PCDHA7: variants seen among roughly 807,000 people sequenced by gnomAD.
The protein encoded by PCDHA7 is protocadherin alpha 7.
PCDHA7 carries 37 observed loss-of-function variants against 57.2 expected under a neutral mutation model. The observed-to-expected ratio is 0.65, with a 90% confidence interval of 0.50 to 0.85. The LOEUF is 0.85. Ranked by LOEUF, PCDHA7 falls within the 40% of genes least tolerant of loss-of-function variation. PCDHA7 has a pLI of 0.00. For synonymous variants in PCDHA7, 553 were observed against 558.8 expected, an observed-to-expected ratio of 0.99 and a Z score of 0.15; for missense variants, 1,188 against 1,241.8, an observed-to-expected ratio of 0.96 and a Z score of 0.65.
At chr5:140,854,722 C>G (rs78325333) in intron 1 of PCDHA7, 1 of 149,404 alleles carries the variant, frequency 6.7e-6, no homozygotes, top group African/African-American at 2.5e-5. Flanking sequence ...ACAGAAAACT[C>G]AAGTTTTTTT....
At chr5:140,936,185 G>A (rs563044758) in intron 1 of PCDHA7, among the ~76,000 whole-genome samples, 10 of 152,060 alleles carry the variant, frequency 6.6e-5, no homozygotes, top group Non-Finnish European at 1.0e-4. Context: ...AAACCACCAC[G>A]CCCAGCCAAA....
At chr5:140,956,156 T>C (rs1467785699) in intron 1 of PCDHA7, among the ~76,000 whole-genome samples, 1 of 152,204 alleles carries the variant, frequency 6.6e-6, no homozygotes, top group Non-Finnish European at 1.5e-5. Flanking sequence ...TCTTTCCTAA[T>C]TGCCATAGCC....
chr5:140,850,680 G>A lies in PCDHA7; in HGVS notation c.2355+13942G>A, dbSNP rs2150493615. 22 of 1,598,518 alleles carry A rather than the reference G, an allele frequency of 1.4e-5. 2 individuals carry two copies. In the East Asian group the frequency reaches 4.5e-4, roughly 32 times the overall value. ...GCTGCGGTGCTCGGCGATGCCCACC[G>A]AGGGCGAGTGCGCGCCTGGCAAGCC... On this transcript the variant is annotated intron_variant, in intron 1 of 3. Transcript: ENST00000525929.
chr5:140,970,752 T>A (rs1324041619), intron 1 of PCDHA7, among the ~76,000 whole-genome samples: 1 of 152,244 alleles, frequency 6.6e-6, no homozygotes, highest in Non-Finnish European at 1.5e-5. Context: ...CAATATATTT[T>A]CATTGACATA....
chr5:140,878,351 A>C (rs2057557275), intron 1 of PCDHA7, among the ~76,000 whole-genome samples: 1 of 152,248 alleles, frequency 6.6e-6, no homozygotes, highest in South Asian at 2.1e-4. Flanking sequence ...ACAATAATAT[A>C]AATGATATGT....
chr5:140,863,148 G>A (rs782014665), intron 1 of PCDHA7: 1 of 616,420 alleles, frequency 1.6e-6, no homozygotes, highest in Non-Finnish European at 3.1e-6. Context: ...TGCTGGTGAA[G>A]GACCACTGCG....
intron 1 of PCDHA7, among the ~76,000 whole-genome samples, chr5:140,898,613 T>A (rs561301118): frequency 6.6e-6 from 1 of 152,346 alleles, no homozygotes; most frequent in South Asian, 2.1e-4. Flanking sequence ...TAGTTTGAAG[T>A]CAGGTAGCAT....
At chr5:140,871,299 G>C (rs782459625) in intron 1 of PCDHA7, 1 of 1,613,916 alleles carries the variant, frequency 6.2e-7, no homozygotes, top group Non-Finnish European at 8.5e-7. Context: ...GCGCGTGCGC[G>C]CCGGGGAAGC....
chr5:140,882,152 G>A (rs1582595300), intron 1 of PCDHA7: 2 of 1,505,314 alleles, frequency 1.3e-6, no homozygotes, highest in Non-Finnish European at 8.9e-7. Flanking sequence ...GCAGAAAGCG[G>A]AATACCTCTT....
intron 1 of PCDHA7, chr5:140,849,218 G>T: frequency 9.6e-7 from 1 of 1,040,734 alleles, no homozygotes; most frequent in South Asian, 1.6e-5. Context: ...ATGCCCCAGT[G>T]TTCGACAGAA....
intron 1 of PCDHA7, among the ~76,000 whole-genome samples, chr5:140,936,534 T>C (rs1327354780): frequency 1.3e-5 from 2 of 152,230 alleles, no homozygotes; most frequent in African/African-American, 2.4e-5. Context: ...TGCTTTTGAA[T>C]ATAGTGCAAT....
At position 140,869,261 on chromosome 5, in the gene PCDHA7, G is replaced by A. The variant is rs782291113; in HGVS notation, c.2355+32523G>A. 3 of 1,613,572 alleles carry A rather than the reference G, an allele frequency of 1.9e-6. No individual in the cohort carries two copies. In the Admixed American group the frequency reaches 5.0e-5, roughly 27 times the overall value. On this transcript the variant is annotated intron_variant, in intron 1 of 3. Transcript: ENST00000525929. ...GTGGGCCGCATCGCGCAGGACCTGG[G>A]GCTGGAGCTGGCGGAGCTGGTGCAG...
At position 140,883,742 on chromosome 5, in the gene PCDHA7, T is replaced by C. The variant is rs782074620; in HGVS notation, c.2355+47004T>C. 8 of 1,613,220 alleles carry C rather than the reference T, an allele frequency of 5.0e-6. No homozygotes were observed. In the African/African-American group the frequency reaches 8.0e-5, roughly 16 times the overall value. ...CGCACAGGAGAACGCGCTGGTCTCC[T>C]ACTCGCTGGTGGAGCGGCGGGTGGG... On this transcript the variant is annotated intron_variant, in intron 1 of 3. Transcript: ENST00000525929.
At chr5:140,939,335 T>A (rs1195092720) in intron 1 of PCDHA7, among the ~76,000 whole-genome samples, 2 of 152,080 alleles carry the variant, frequency 1.3e-5, no homozygotes, top group Non-Finnish European at 2.9e-5. Context: ...ATCTTAGGGG[T>A]TAGCATTTCA....
chr5:140,915,463 T>C (rs2077131577), intron 1 of PCDHA7, among the ~76,000 whole-genome samples: 1 of 152,184 alleles, frequency 6.6e-6, no homozygotes, highest in East Asian at 1.9e-4. Flanking sequence ...AGAAGGTTTT[T>C]ATTTGAAGGA....
At chr5:140,877,388 A>G (rs1186041410) in intron 1 of PCDHA7, 14 of 1,613,802 alleles carry the variant, frequency 8.7e-6, no homozygotes, top group Non-Finnish European at 1.2e-5. Flanking sequence ...ATCCTGGATG[A>G]GGCGGACGCT....
chr5:140,941,820 C>T (rs2093176252), intron 1 of PCDHA7, among the ~76,000 whole-genome samples: 1 of 152,160 alleles, frequency 6.6e-6, no homozygotes, highest in Non-Finnish European at 1.5e-5. Flanking sequence ...AGGATGACTG[C>T]TGTAAATAAT....
intron 1 of PCDHA7, chr5:140,869,579 A>G: frequency 6.2e-7 from 1 of 1,614,178 alleles, no homozygotes; most frequent in Non-Finnish European, 8.5e-7. Flanking sequence ...GGAGCTTCTG[A>G]TGCTGACATT....
intron 1 of PCDHA7, chr5:140,862,791 G>A (rs782639549): frequency 1.7e-6 from 1 of 578,844 alleles, no homozygotes; most frequent in Non-Finnish European, 3.3e-6. Context: ...TGGACTACGA[G>A]GAGCTGGAGC....
Sources: allele counts gnomAD v4.1 joint callset (sites outside exome capture counted in the v4.1 genomes callset), GRCh38; gene constraint gnomAD v4.1.1; transcripts MANE v1.5; gene names NCBI Gene and HGNC (gene_info 2026-07-23, HGNC 2026-07-21).